UBE2E2: variants seen among roughly 807,000 people sequenced by gnomAD.
UBE2E2 encodes ubiquitin conjugating enzyme E2 E2.
UBE2E2 carries 6 observed loss-of-function variants against 24.7 expected under a neutral mutation model. The ratio of observed to expected loss-of-function variants is 0.24; its 90% CI spans 0.13 to 0.48. The LOEUF (loss-of-function observed/expected upper bound fraction) is 0.48, where lower values mean the gene tolerates loss of function less well. Ranked by LOEUF, UBE2E2 falls within the 20% of genes least tolerant of loss-of-function variation. UBE2E2 has a pLI of 0.99. For synonymous variants in UBE2E2, 104 were observed against 83.6 expected, an observed-to-expected ratio of 1.24 and a Z score of -1.33; for missense variants, 169 against 245.0, an observed-to-expected ratio of 0.69 and a Z score of 2.07.
intron 5 of UBE2E2, among the ~76,000 whole-genome samples, chr3:23,544,755 A>T (rs1695478825): frequency 6.6e-6 from 1 of 151,924 alleles, no homozygotes; most frequent in South Asian, 2.1e-4. Context: ...GACAAAGTAT[A>T]GAGAAAGAAA....
intron 3 of UBE2E2, among the ~76,000 whole-genome samples, chr3:23,269,237 A>G (rs1297795518): frequency 6.6e-6 from 1 of 152,224 alleles, no homozygotes; most frequent in Non-Finnish European, 1.5e-5. Flanking sequence ...CTGCACAGCA[A>G]AAGAAACTAC....
At chr3:23,478,107 C>T (rs562165161) in intron 3 of UBE2E2, among the ~76,000 whole-genome samples, 5 of 152,282 alleles carry the variant, frequency 3.3e-5, no homozygotes, top group South Asian at 4.1e-4. Context: ...ACACCTATTC[C>T]GTCCTCAGCA....
intron 3 of UBE2E2, among the ~76,000 whole-genome samples, chr3:23,443,228 A>G (rs888468209): frequency 2.6e-5 from 4 of 152,176 alleles, no homozygotes; most frequent in African/African-American, 9.7e-5. Flanking sequence ...AATGACCTCA[A>G]ATATCATAAA....
chr3:23,481,769 A>G (rs1418047284), intron 3 of UBE2E2, among the ~76,000 whole-genome samples: 1 of 152,216 alleles, frequency 6.6e-6, no homozygotes. Context: ...TTATTGCAGC[A>G]CTGCCAAAAG....
rs1699091589 is a variant in UBE2E2 at position 23,474,704 on chromosome 3, A to G, written c.228-24904A>G. Among the ~76,000 whole-genome samples the G allele has an allele frequency of 1.3e-5, 2 of 152,050 alleles. No individual in the cohort carries two copies. Among genetic ancestry groups the G allele is most frequent in the South Asian group, 2.1e-4 (1 of 4,830 alleles). On this transcript the variant is annotated intron_variant, in intron 3 of 5. Coordinates refer to ENST00000396703, the MANE Select transcript of UBE2E2 (RefSeq NM_152653.4). The surrounding 1 kb of genome is among the most constrained non-coding windows in gnomAD (Gnocchi z 4.0). ...TATGTGGTAATAATGCGTTAGACCAATTACAGTCTTACACAGTCTTCATCT... is the reference window on the plus strand; with the variant it reads ...TATGTGGTAATAATGCGTTAGACCAGTTACAGTCTTACACAGTCTTCATCT...
chr3:23,290,733 TTTA>T (rs1026370240), intron 3 of UBE2E2, among the ~76,000 whole-genome samples: 1 of 151,654 alleles, frequency 6.6e-6, no homozygotes, highest in African/African-American at 2.4e-5. Flanking sequence ...AATATCAAAT[TTTA>T]TTATTATTAT....
intron 3 of UBE2E2, among the ~76,000 whole-genome samples, chr3:23,333,208 G>A (rs1184473830): frequency 6.6e-6 from 1 of 152,150 alleles, no homozygotes; most frequent in Non-Finnish European, 1.5e-5. Flanking sequence ...CAAATGCAGA[G>A]AGTCCTGAGC....
intron 3 of UBE2E2, among the ~76,000 whole-genome samples, chr3:23,276,606 G>T (rs1289669159): frequency 6.6e-6 from 1 of 150,864 alleles, no homozygotes; most frequent in African/African-American, 2.5e-5. Flanking sequence ...AAAGGATCAT[G>T]CTATTTTTTC....
At chr3:23,253,260 T>A (rs1050918179) in intron 3 of UBE2E2, among the ~76,000 whole-genome samples, 4 of 152,166 alleles carry the variant, frequency 2.6e-5, no homozygotes, top group Non-Finnish European at 4.4e-5. Context: ...AAGAAAATAC[T>A]CCACAAAAAG....
At chr3:23,570,376 A>G (rs957271243) in intron 5 of UBE2E2, among the ~76,000 whole-genome samples, 7 of 152,144 alleles carry the variant, frequency 4.6e-5, no homozygotes, top group African/African-American at 1.7e-4. Context: ...GACCTAGCCT[A>G]GACTCAACCC....
chr3:23,416,666 C>T (rs1697641968), intron 3 of UBE2E2, among the ~76,000 whole-genome samples: 1 of 152,124 alleles, frequency 6.6e-6, no homozygotes, highest in Non-Finnish European at 1.5e-5. Flanking sequence ...TTCCATTCTC[C>T]CCGTCACTTT....
chr3:23,538,332 C>T (rs1695313416), intron 5 of UBE2E2, among the ~76,000 whole-genome samples: 1 of 152,072 alleles, frequency 6.6e-6, no homozygotes, highest in Non-Finnish European at 1.5e-5. Flanking sequence ...TCAATACTTC[C>T]AAATATGGAT....
chr3:23,241,166 C>A (rs1575496220), intron 3 of UBE2E2, among the ~76,000 whole-genome samples: 2 of 152,190 alleles, frequency 1.3e-5, no homozygotes, highest in Non-Finnish European at 2.9e-5. Context: ...ATTCCTTTTT[C>A]TCTCTCACTC....
At chr3:23,226,255 T>C (rs1300105725) in intron 3 of UBE2E2, among the ~76,000 whole-genome samples, 1 of 151,164 alleles carries the variant, frequency 6.6e-6, no homozygotes, top group Non-Finnish European at 1.5e-5. Context: ...TTTTTGAAAT[T>C]ATAGAATAGG....
chr3:23,475,899 G>A (rs1699123790), intron 3 of UBE2E2, among the ~76,000 whole-genome samples: 1 of 152,082 alleles, frequency 6.6e-6, no homozygotes, highest in Non-Finnish European at 1.5e-5. Flanking sequence ...GATTTACAGT[G>A]AGTACATGTT....
intron 5 of UBE2E2, among the ~76,000 whole-genome samples, chr3:23,577,577 G>C (rs1696372963): frequency 6.6e-6 from 1 of 152,212 alleles, no homozygotes; most frequent in African/African-American, 2.4e-5. Context: ...AAGGTTGAGG[G>C]TGACCAAGGA....
intron 4 of UBE2E2, among the ~76,000 whole-genome samples, chr3:23,521,751 T>C (rs1355075018): frequency 6.6e-6 from 1 of 152,114 alleles, no homozygotes; most frequent in Non-Finnish European, 1.5e-5. Context: ...CTATCATAAG[T>C]ATATTTTATA....
intron 5 of UBE2E2, among the ~76,000 whole-genome samples, chr3:23,546,399 A>G (rs1695521792): frequency 6.6e-6 from 1 of 151,846 alleles, no homozygotes; most frequent in Non-Finnish European, 1.5e-5. Context: ...TTGCCCAAGA[A>G]ATGATTCAGA....
At chr3:23,383,473 CT>C (rs34970044) in intron 3 of UBE2E2, among the ~76,000 whole-genome samples, 61,673 of 149,148 alleles carry the variant, frequency 0.41, 12,815 homozygotes, top group Admixed American at 0.54. Context: ...TTTTATCCCC[CT>C]TTTTTTTTTT....
Sources: gnomAD v4.1 joint callset for allele counts (sites outside exome capture counted in the v4.1 genomes callset) on GRCh38, gnomAD v4.1.1 for gene constraint, Gnocchi (gnomAD v3.1) non-coding constraint, MANE v1.5 for transcripts, NCBI Gene and HGNC (gene_info 2026-07-23, HGNC 2026-07-21) for gene names.